Variants in RAPGEF4 observed in about 807,000 individuals in gnomAD.
RAPGEF4 encodes the protein Rap guanine nucleotide exchange factor 4, also known as RAP guanine-nucleotide-exchange factor (GEF) 4.
RAPGEF4 carries 66 observed loss-of-function variants against 147.9 expected under a neutral mutation model. That is an observed-to-expected ratio of 0.45 (90% CI 0.37 to 0.55). The LOEUF is 0.55. RAPGEF4 is among the 20% of genes least tolerant of loss of function. The probability of loss-of-function intolerance (pLI) is 0.00; values close to 1 mark genes in which losing one functional copy is unlikely to be tolerated. For missense variants in RAPGEF4, 1,071 were observed against 1,257.3 expected (o/e 0.85, Z 2.24); for synonymous variants, 419 against 442.7 (o/e 0.95, Z 0.67).
At chr2:173,029,937 C>G (rs886867802) in intron 25 of RAPGEF4, among the ~76,000 whole-genome samples, 4 of 152,176 alleles carry the variant, frequency 2.6e-5, no homozygotes, top group African/African-American at 7.2e-5. Context: ...TCTCAGATCC[C>G]AAACCTCAAT....
At position 172,888,321 on chromosome 2, in the gene RAPGEF4, C is replaced by T. The variant is rs562359563; in HGVS notation, c.445-29481C>T. Among the ~76,000 whole-genome samples, 28 of 152,320 alleles carry T rather than the reference C, an allele frequency of 1.8e-4. 1 individual carries two copies. The highest frequency in any genetic ancestry group is 1.4e-3 in the Admixed American group (22 of 15,304). On this transcript the variant is annotated intron_variant, in intron 4 of 30. Coordinates refer to ENST00000397081, the MANE Select transcript of RAPGEF4 (RefSeq NM_007023.4). ...TGAACAGGAGCCTTGACCAAGAAGA[C>T]GGGGAACATGATGCCCAGCTCTCCT... is the stretch of plus-strand genomic sequence containing the variant.
At chr2:172,785,077 G>A (rs1685067051) in intron 1 of RAPGEF4, among the ~76,000 whole-genome samples, 1 of 152,134 alleles carries the variant, frequency 6.6e-6, no homozygotes, top group Non-Finnish European at 1.5e-5. Context: ...TGCCCGCCTT[G>A]GCTTCCCAAA....
intron 10 of RAPGEF4, among the ~76,000 whole-genome samples, chr2:172,975,998 C>G (rs909271144): frequency 2.6e-5 from 4 of 152,214 alleles, no homozygotes; most frequent in Non-Finnish European, 4.4e-5. Flanking sequence ...CACTCAGAAG[C>G]CATGAATTAT....
chr2:172,902,604 C>A (rs1424051143), intron 4 of RAPGEF4, among the ~76,000 whole-genome samples: 1 of 152,178 alleles, frequency 6.6e-6, no homozygotes, highest in East Asian at 1.9e-4. Flanking sequence ...AAACATGTGG[C>A]ACCCTAATAT....
At chr2:173,043,889 T>G (rs1685084354) in intron 29 of RAPGEF4, among the ~76,000 whole-genome samples, 1 of 152,254 alleles carries the variant, frequency 6.6e-6, no homozygotes, top group Non-Finnish European at 1.5e-5. Context: ...TGGTCACCCC[T>G]TCCTCTGGAT....
In RAPGEF4 at chr2:172,828,300, A is replaced by C. The variant is rs141573078; in HGVS notation, c.444+13875A>C. 5.7e-4 allele frequency among the ~76,000 whole-genome samples: 87 copies of C among 152,288 alleles called. 1 individual carries two copies. Among genetic ancestry groups the C allele is most frequent in the African/African-American group, 1.9e-3 (81 of 41,556 alleles). On this transcript the variant is annotated intron_variant, in intron 4 of 30. Coordinates refer to ENST00000397081, the MANE Select transcript of RAPGEF4 (RefSeq NM_007023.4). ...TTCGTAAGGCCGACAGAAATGTGAC[A>C]GACAGGAAGATGCCACCAGACCCAG...
intron 1 of RAPGEF4, among the ~76,000 whole-genome samples, chr2:172,787,264 T>C (rs1003844107): frequency 1.3e-5 from 2 of 152,138 alleles, no homozygotes; most frequent in African/African-American, 2.4e-5. Flanking sequence ...AGATTATCAA[T>C]ACATTCTAAT....
At chr2:172,946,685 C>T (rs1280393637) in intron 6 of RAPGEF4, among the ~76,000 whole-genome samples, 1 of 152,180 alleles carries the variant, frequency 6.6e-6, no homozygotes, top group Non-Finnish European at 1.5e-5. Context: ...TTCCTTGAAC[C>T]ACCCTGGACA....
intron 17 of RAPGEF4, among the ~76,000 whole-genome samples, chr2:173,002,502 G>T (rs1366603947): frequency 6.6e-6 from 1 of 152,122 alleles, no homozygotes; most frequent in Non-Finnish European, 1.5e-5. Flanking sequence ...TTGGGAGCAT[G>T]TGAAAGTATA....
At chr2:173,015,251 AC>A (rs1695400589) in intron 18 of RAPGEF4, among the ~76,000 whole-genome samples, 1 of 152,164 alleles carries the variant, frequency 6.6e-6, no homozygotes, top group Non-Finnish European at 1.5e-5. Context: ...TGGTTCATAA[AC>A]ACTGTTGAAA....
chr2:173,036,165 C>T lies in RAPGEF4; in HGVS notation c.2741C>T (p.Ala914Val). The change falls in exon 28 of 31, where the codon GCT (alanine) becomes GTT (valine). Residue 914 changes from alanine (A) to valine (V), a missense_variant. By Grantham distance (64) the Ala-to-Val change is moderately conservative. Coordinates refer to ENST00000397081, the MANE Select transcript of RAPGEF4 (RefSeq NM_007023.4). Reference protein sequence around the residue: ...RNHRAYRLTVAKLEPPLIPFM... With the variant: ...RNHRAYRLTVVKLEPPLIPFM... ...CACAGGGCCTACAGGCTGACAGTAG[C>T]TAAGCTGGAACCTCCTCTCATCCCC... The T allele has an allele frequency of 6.2e-7, 1 of 1,613,170 alleles. No homozygotes were observed. The highest frequency in any genetic ancestry group is 8.5e-7 in the Non-Finnish European group (1 of 1,179,466).
chr2:172,768,722 A>G (rs1321530301), intron 1 of RAPGEF4, among the ~76,000 whole-genome samples: 1 of 152,210 alleles, frequency 6.6e-6, no homozygotes, highest in Non-Finnish European at 1.5e-5. Flanking sequence ...ACAGTCCCTT[A>G]TTGCACATTA....
intron 6 of RAPGEF4, among the ~76,000 whole-genome samples, chr2:172,957,348 A>G (rs565682428): frequency 1.3e-5 from 2 of 152,378 alleles, no homozygotes; most frequent in African/African-American, 4.8e-5. Flanking sequence ...TCTCAAAAGA[A>G]ACTTTACTTG....
intron 1 of RAPGEF4, among the ~76,000 whole-genome samples, chr2:172,781,503 C>CCCA (rs1684676678): frequency 6.6e-6 from 1 of 152,180 alleles, no homozygotes; most frequent in Non-Finnish European, 1.5e-5. Flanking sequence ...CTCCTGGCCT[C>CCCA]AAGCGATCTT....
chr2:172,808,017 G>A (rs1687668545), intron 3 of RAPGEF4, among the ~76,000 whole-genome samples: 1 of 152,196 alleles, frequency 6.6e-6, no homozygotes, highest in Non-Finnish European at 1.5e-5. Context: ...TTAATTGATT[G>A]TTAGCTATTT....
chr2:172,973,627 C>T (rs1396688538), intron 10 of RAPGEF4, among the ~76,000 whole-genome samples: 2 of 152,152 alleles, frequency 1.3e-5, no homozygotes, highest in African/African-American at 4.8e-5. Flanking sequence ...GTGGGGGCAT[C>T]TGCCATGCCC....
intron 1 of RAPGEF4, among the ~76,000 whole-genome samples, chr2:172,781,634 C>G (rs375784980): frequency 6.6e-6 from 1 of 152,096 alleles, no homozygotes; most frequent in African/African-American, 2.4e-5. Context: ...TCCTGGGGTA[C>G]CCATGGGAGG....
At position 172,965,552 on chromosome 2, in the gene RAPGEF4, C is replaced by T. The variant is rs202137718; in HGVS notation, c.699-10C>T. On this transcript the variant is annotated splice_polypyrimidine_tract_variant and intron_variant, in intron 8 of 30. Transcript: ENST00000397081. ...GACTTCCCCACCCTTTCTGTCTCAC[C>T]TCTCCTTAGACAATGCTGTGTGGGA... 390 of 1,612,890 alleles carry T rather than the reference C, an allele frequency of 2.4e-4. 1 individual carries two copies. Among genetic ancestry groups the T allele is most frequent in the Middle Eastern group, 8.2e-4 (5 of 6,072 alleles).
intron 17 of RAPGEF4, among the ~76,000 whole-genome samples, chr2:173,007,997 G>T (rs528304125): frequency 1.3e-5 from 2 of 152,222 alleles, no homozygotes; most frequent in Admixed American, 1.3e-4. Flanking sequence ...ATCTCATCTC[G>T]AATTGTAATC....
Sources: allele counts gnomAD v4.1 joint callset (sites outside exome capture counted in the v4.1 genomes callset), GRCh38; gene constraint gnomAD v4.1.1; transcripts MANE v1.5; gene names NCBI Gene and HGNC (gene_info 2026-07-23, HGNC 2026-07-21).